The following IMPG2 variants were observed in gnomAD, a reference collection of about 807,000 sequenced individuals.
The protein encoded by IMPG2 is interphotoreceptor matrix proteoglycan 2, also known as IPM 200.
A neutral mutation model predicts 129.2 loss-of-function variants in IMPG2; 91 were observed. That is an observed-to-expected ratio of 0.70 (90% CI 0.59 to 0.84). IMPG2 has a LOEUF of 0.84. IMPG2 is among the 40% of genes least tolerant of loss of function. IMPG2 has a pLI of 0.00. For synonymous variants in IMPG2, 510 were observed against 517.7 expected, an observed-to-expected ratio of 0.99 and a Z score of 0.20; for missense variants, 1,430 against 1,461.7, an observed-to-expected ratio of 0.98 and a Z score of 0.35.
intron 11 of IMPG2, among the ~76,000 whole-genome samples, chr3:101,252,122 C>T (rs762692727): frequency 2.2e-4 from 33 of 151,766 alleles, no homozygotes; most frequent in African/African-American, 7.1e-4. Flanking sequence ...CATCATTAAG[C>T]GGCAGCCACA....
At chr3:101,281,820 G>A (rs1706896351) in intron 4 of IMPG2, among the ~76,000 whole-genome samples, 1 of 152,170 alleles carries the variant, frequency 6.6e-6, no homozygotes, top group Non-Finnish European at 1.5e-5. Flanking sequence ...GGCCATTGCT[G>A]TCTTTGAAGA....
At chr3:101,265,610 T>C (rs560768443) in intron 9 of IMPG2, among the ~76,000 whole-genome samples, 20 of 152,012 alleles carry the variant, frequency 1.3e-4, no homozygotes, top group African/African-American at 4.3e-4. Flanking sequence ...GAAGAAAACA[T>C]TGGGGAAACA....
intron 2 of IMPG2, among the ~76,000 whole-genome samples, chr3:101,305,329 G>A (rs1189242596): frequency 6.6e-6 from 1 of 152,100 alleles, no homozygotes; most frequent in East Asian, 1.9e-4. Context: ...AGGGGTTGAG[G>A]GAGACAGGGA....
At chr3:101,305,767 T>C (rs1246507481) in intron 2 of IMPG2, among the ~76,000 whole-genome samples, 1 of 152,126 alleles carries the variant, frequency 6.6e-6, no homozygotes, top group Non-Finnish European at 1.5e-5. Context: ...AACTAATCAA[T>C]TTATTTGCTA....
Position 101,244,182 on chromosome 3 carries a change from C to G in IMPG2, c.2149G>C (p.Val717Leu). 6.2e-7 allele frequency: 1 copy of G among 1,614,006 alleles called. No individual in the cohort carries two copies. The highest frequency in any genetic ancestry group is 8.5e-7 in the Non-Finnish European group (1 of 1,180,000). ...SEVPGVDDYS[V>L]TKAPLILTSV... ...GTCAGTATAAGAGGTGCTTTGGTAA[C>G]TGAGTAATCATCAACACCAGGTACT... The change falls in exon 13 of 19, where the codon GTT becomes CTT. Residue 717 changes from valine to leucine, a missense_variant. Coordinates refer to ENST00000193391, the MANE Select transcript of IMPG2 (RefSeq NM_016247.4).
intron 14 of IMPG2, among the ~76,000 whole-genome samples, chr3:101,238,982 G>A (rs1318807910): frequency 2.0e-5 from 3 of 152,130 alleles, no homozygotes; most frequent in Admixed American, 1.3e-4. Context: ...CCCATCTCAT[G>A]TGCAAAGACA....
chr3:101,238,116 G>T (rs1706367616), intron 14 of IMPG2, among the ~76,000 whole-genome samples: 1 of 151,642 alleles, frequency 6.6e-6, no homozygotes, highest in Non-Finnish European at 1.5e-5. Flanking sequence ...CAGAAGAAAG[G>T]ATATGAGATT....
intron 4 of IMPG2, among the ~76,000 whole-genome samples, chr3:101,279,909 G>C (rs1706875566): frequency 1.3e-5 from 2 of 152,138 alleles, no homozygotes; most frequent in Admixed American, 6.5e-5. Flanking sequence ...TCAAGAGACA[G>C]TAAAGAACAC....
At chr3:101,280,743 C>A (rs1334449774) in intron 4 of IMPG2, among the ~76,000 whole-genome samples, 3 of 151,960 alleles carry the variant, frequency 2.0e-5, no homozygotes, top group Non-Finnish European at 4.4e-5. Context: ...GTCAGGAGTT[C>A]GAAACCAGCC....
Position 101,243,731 on chromosome 3 carries a change from T to A in IMPG2, c.2600A>T (p.Glu867Val), listed in dbSNP as rs751479900. ...EQNGKVGSYV[E>V]MSTSVHSTEM... ...TGTGGAGTGAACACTTGTTGACATT[T>A]CCACATAACTACCAACCTTGCCATT... Residue 867 changes from glutamate to valine, a missense_variant, in exon 13 of 19, where the codon GAA becomes GTA. Transcript: ENST00000193391. 6.2e-7 allele frequency: 1 copy of A among 1,613,930 alleles called. No homozygotes were observed. The highest frequency in any genetic ancestry group is 8.5e-7 in the Non-Finnish European group (1 of 1,179,818).
intron 3 of IMPG2, among the ~76,000 whole-genome samples, chr3:101,299,244 T>A (rs1298144222): frequency 6.6e-6 from 1 of 152,218 alleles, no homozygotes; most frequent in Non-Finnish European, 1.5e-5. Context: ...CTCCATCAGG[T>A]CATTTACATT....
At chr3:101,297,359 T>C (rs1004081857) in intron 3 of IMPG2, among the ~76,000 whole-genome samples, 1 of 152,150 alleles carries the variant, frequency 6.6e-6, no homozygotes, top group African/African-American at 2.4e-5. Flanking sequence ...CCTGGATTAA[T>C]TGATTTTTTT....
In IMPG2 at chr3:101,269,496, T is replaced by G; in HGVS notation, c.887+19A>C. The stretch of plus-strand genomic sequence containing the variant: ...AAGAATACTACTGAAAATGTGCATA[T>G]TTAGATAAGTCTATTTACCTAAATT... On this transcript the variant is annotated intron_variant, in intron 8 of 18. Coordinates refer to ENST00000193391, the MANE Select transcript of IMPG2 (RefSeq NM_016247.4). The G allele has an allele frequency of 7.1e-7, 1 of 1,399,888 alleles. No homozygotes were observed. The highest frequency in any genetic ancestry group is 1.0e-6 in the Non-Finnish European group (1 of 985,074). 86.7% of individuals were successfully genotyped at this position (1,399,888 alleles called of 1,614,324 possible). A position where few individuals can be genotyped will look rare whatever the true frequency, so the allele number is the denominator to read the frequency against.
intron 4 of IMPG2, among the ~76,000 whole-genome samples, chr3:101,281,016 T>A (rs1396600453): frequency 6.6e-6 from 1 of 151,922 alleles, no homozygotes; most frequent in African/African-American, 2.4e-5. Flanking sequence ...CAACTACAAA[T>A]GTAAATTAAT....
intron 11 of IMPG2, among the ~76,000 whole-genome samples, chr3:101,251,884 C>A (rs534013040): frequency 1.3e-5 from 2 of 152,100 alleles, no homozygotes; most frequent in Non-Finnish European, 1.5e-5. Flanking sequence ...TTGGCAAGGG[C>A]ATGAAGAAAG....
At position 101,276,712 on chromosome 3, in the gene IMPG2, A is replaced by C; in HGVS notation, c.535T>G (p.Ser179Ala). The stretch of plus-strand genomic sequence containing the variant: ...ACAGGAACTGGAGAAGACAGTTCAG[A>C]GCTAGAAAAAAAAATGTTTGCAGTT... ...LTYAKETVSS[S>A]ELSSPVPVGD... is the part of the protein sequence containing the mutation. The change falls in exon 5 of 19, where the codon TCT (serine) becomes GCT (alanine). Residue 179 changes from serine (S) to alanine (A), a missense_variant and splice_region_variant. Transcript: ENST00000193391. 1 of 1,607,302 alleles carries C rather than the reference A, an allele frequency of 6.2e-7. No individual in the cohort carries two copies. The highest frequency in any genetic ancestry group is 1.3e-5 in the African/African-American group (1 of 74,888).
chr3:101,283,368 T>C (rs961394858), intron 4 of IMPG2, among the ~76,000 whole-genome samples: 3 of 152,148 alleles, frequency 2.0e-5, no homozygotes, highest in Non-Finnish European at 4.4e-5. Context: ...ACAAAGTTTT[T>C]GGGTATTGTG....
At chr3:101,230,800 T>A (rs1033215292) in intron 16 of IMPG2, among the ~76,000 whole-genome samples, 157 bp downstream of exon 16, 14 of 152,224 alleles carry the variant, frequency 9.2e-5, no homozygotes, top group Non-Finnish European at 1.8e-4. Context: ...TTCTTCAATT[T>A]GACACCCCTT....
At chr3:101,268,604 T>C (rs1706746236) in intron 8 of IMPG2, among the ~76,000 whole-genome samples, 1 of 93,086 alleles carries the variant, frequency 1.1e-5, no homozygotes, top group South Asian at 4.8e-4. Flanking sequence ...AATTAAATAG[T>C]GTGTGTGTAA....
Sources: allele counts gnomAD v4.1 joint callset (sites outside exome capture counted in the v4.1 genomes callset), GRCh38; gene constraint gnomAD v4.1.1; transcripts MANE v1.5; gene names NCBI Gene and HGNC (gene_info 2026-07-23, HGNC 2026-07-21).